Variants in MIER2 observed in about 807,000 individuals in gnomAD.
MIER2 encodes the protein mesoderm induction early response protein 2.
A neutral mutation model predicts 67.6 loss-of-function variants in MIER2; 30 were observed. That is an observed-to-expected ratio of 0.44 (90% CI 0.33 to 0.60). MIER2 has a LOEUF of 0.60. MIER2 is among the 20% of genes least tolerant of loss of function. The probability of loss-of-function intolerance (pLI) is 0.02; values close to 1 mark genes in which losing one functional copy is unlikely to be tolerated. For synonymous variants in MIER2, 372 were observed against 312.6 expected (o/e 1.19, Z -2.00); for missense variants, 702 against 745.1 (o/e 0.94, Z 0.67).
chr19:306,819 C>A (rs115488401), intron 13 of MIER2, 108 bp from the exon 14 acceptor site: 7 of 1,522,302 alleles, frequency 4.6e-6, no homozygotes, highest in East Asian at 4.9e-5. Flanking sequence ...TTGCCTCCCC[C>A]ACAGCCTATG....
At position 336,128 on chromosome 19, in the gene MIER2, C is replaced by A; in HGVS notation, c.55G>T (p.Glu19Ter). ...GGCTCCCCTGGGCACAGGCTGTGCTCGAGGCAGGAGACCACGCGAGGACTC... is the reference window on the plus strand; with the variant it reads ...GGCTCCCCTGGGCACAGGCTGTGCTAGAGGCAGGAGACCACGCGAGGACTC... The part of the protein sequence containing the change: ...RQSPRVVSCL[E>*]HSLCPGEPGL... The change falls in exon 2 of 14, where the codon GAG becomes TAG. Residue 19 changes from glutamate to a stop codon, truncating the protein, a stop_gained. Coordinates refer to ENST00000264819, the MANE Select transcript of MIER2 (RefSeq NM_017550.3). LOFTEE classifies it high-confidence loss of function. The A allele has an allele frequency of 6.2e-7, 1 of 1,613,856 alleles. No individual in the cohort carries two copies. Among genetic ancestry groups the A allele is most frequent in the South Asian group, 1.1e-5 (1 of 91,058 alleles).
intron 9 of MIER2, 83 bp from the exon 10 acceptor site, chr19:312,022 TCAGCGGCGCC>T: frequency 1.8e-6 from 2 of 1,097,940 alleles, no homozygotes; most frequent in South Asian, 2.0e-5. Flanking sequence ...GGGAGAACAG[TCAGCGGCGCC>T]CAGGGCGGGG....
chr19:324,300 A>T (rs371835511), intron 7 of MIER2, among the ~76,000 whole-genome samples: 14 of 130,958 alleles, frequency 1.1e-4, no homozygotes, highest in South Asian at 7.3e-4. Flanking sequence ...GCAATACACA[A>T]GACACACACA....
chr19:334,214 G>A, intron 3 of MIER2, 186 bp downstream of exon 3: 1 of 778,098 alleles, frequency 1.3e-6, no homozygotes, highest in Non-Finnish European at 2.1e-6. Context: ...CCACCGTGCT[G>A]CTCAGAGAGC....
At chr19:320,955 C>A (rs1361009938) in intron 7 of MIER2, among the ~76,000 whole-genome samples, 2 of 152,170 alleles carry the variant, frequency 1.3e-5, no homozygotes, top group African/African-American at 4.8e-5. Flanking sequence ...AGAACGTCGG[C>A]ACTACATTTA....
At chr19:312,485 GGGAGTGA>G (rs1568218736) in intron 8 of MIER2, among the ~76,000 whole-genome samples, 1 of 37,158 alleles carries the variant, frequency 2.7e-5, no homozygotes, top group African/African-American at 1.4e-4. Flanking sequence ...CCTCTATCCA[GGGAGTGA>G]CATCAGGGGC....
intron 1 of MIER2, among the ~76,000 whole-genome samples, chr19:341,688 G>A (rs182407866): frequency 6.6e-6 from 1 of 152,190 alleles, no homozygotes; most frequent in Non-Finnish European, 1.5e-5. Flanking sequence ...TCCCAGGAAA[G>A]ACAAAGTCCT....
At chr19:330,093 T>C (rs561399840) in intron 3 of MIER2, among the ~76,000 whole-genome samples, 2 of 152,166 alleles carry the variant, frequency 1.3e-5, no homozygotes, top group South Asian at 4.1e-4. Flanking sequence ...TGGCCAACTA[T>C]AGCCACTCAG....
chr19:325,988 C>A (rs544885024), intron 6 of MIER2, among the ~76,000 whole-genome samples: 2 of 152,236 alleles, frequency 1.3e-5, no homozygotes, highest in Non-Finnish European at 1.5e-5. Context: ...GCCCAGGCTC[C>A]GGTCCAAAGC....
chr19:321,790 C>T (rs943934633), intron 7 of MIER2, among the ~76,000 whole-genome samples: 5 of 152,130 alleles, frequency 3.3e-5, no homozygotes, highest in Admixed American at 1.3e-4. Flanking sequence ...GAGACAGTGG[C>T]GATGACTCCG....
At chr19:311,199 C>T (rs1299238099) in intron 10 of MIER2, among the ~76,000 whole-genome samples, 2 of 152,208 alleles carry the variant, frequency 1.3e-5, no homozygotes, top group Non-Finnish European at 1.5e-5. Context: ...CCAACCGGGG[C>T]GTGGACAGAG....
chr19:313,700 G>A lies in MIER2; in HGVS notation c.656-57C>T, dbSNP rs969410357. ...AGGAACCCAATCTGCACCCACACAC[G>A]CCAGGACAAGCAAAGCAGCCAACTC... On this transcript the variant is annotated intron_variant, in intron 7 of 13. Coordinates refer to ENST00000264819, the MANE Select transcript of MIER2 (RefSeq NM_017550.3). 2.6e-5 allele frequency: 41 copies of A among 1,569,562 alleles called. No homozygotes were observed. The Admixed American group carries it at 3.5e-4, about 14-fold the overall frequency.
At chr19:321,999 G>A (rs915288089) in intron 7 of MIER2, among the ~76,000 whole-genome samples, 1 of 152,068 alleles carries the variant, frequency 6.6e-6, no homozygotes, top group Non-Finnish European at 1.5e-5. Context: ...CCGCCTCCCG[G>A]GTTCACGCCA....
At chr19:307,018 G>T in intron 13 of MIER2, 101 bp downstream of exon 13, 3 of 1,369,354 alleles carry the variant, frequency 2.2e-6, no homozygotes, top group South Asian at 2.8e-5. Context: ...CTGTCCTCGG[G>T]TCCTTGGGGC....
chr19:319,994 C>G (rs115956107), intron 7 of MIER2, among the ~76,000 whole-genome samples: 1,878 of 152,248 alleles, frequency 0.012, 49 homozygotes, highest in African/African-American at 0.042. Flanking sequence ...GTGCTCACAG[C>G]GAGCATGTAA....
rs374386346 is a variant in MIER2, at chr19:308,536, C to T, written c.1198+41G>A. On this transcript the variant is annotated intron_variant, in intron 12 of 13. Coordinates refer to ENST00000264819, the MANE Select transcript of MIER2 (RefSeq NM_017550.3). The surrounding 1 kb of genome is among the most constrained non-coding windows in gnomAD (Gnocchi z 9.1). ...CGGGCCTCACTCACGGCTCCAGACCCGTGGCCGCCCCCAGGGCAGGAGATA... is the reference window on the plus strand; with the variant it reads ...CGGGCCTCACTCACGGCTCCAGACCTGTGGCCGCCCCCAGGGCAGGAGATA... The T allele has an allele frequency of 5.8e-6, 9 of 1,542,156 alleles. No homozygotes were observed. Among genetic ancestry groups the T allele is most frequent in the South Asian group, 2.4e-5 (2 of 83,904 alleles).
Position 306,592 on chromosome 19 carries a change from C to T in MIER2, c.*98G>A. 6.7e-7 allele frequency: 1 copy of T among 1,497,356 alleles called. No homozygotes were observed. Among genetic ancestry groups the T allele is most frequent in the Non-Finnish European group, 9.1e-7 (1 of 1,100,344 alleles). 92.8% of individuals were successfully genotyped at this position (1,497,356 alleles called of 1,614,324 possible). On this transcript the variant is annotated 3_prime_UTR_variant, in exon 14 of 14. Coordinates refer to ENST00000264819, the MANE Select transcript of MIER2 (RefSeq NM_017550.3). ...AGCAGAAGGAGGTGCTACCCCAAGG[C>T]CCGGGGGGTGGGGAAGGGGTCAGGA...
At position 313,600 on chromosome 19, in the gene MIER2, G is replaced by A; in HGVS notation, c.699C>T (p.Leu233=). The part of the protein sequence containing the change: ...EDQLLWDPSV[L]PEREVEEFLY... ...GGAACTCCTCCACCTCCCTCTCAGG[G>A]AGGACGCTGGGGTCCCAGAGCAGCT... is the stretch of plus-strand genomic sequence containing the variant. Residue 233 remains leucine, a synonymous_variant, in exon 8 of 14, where the codon CTC becomes CTT. Transcript: ENST00000264819. 1 of 1,613,206 alleles carries A rather than the reference G, an allele frequency of 6.2e-7. No individual in the cohort carries two copies. The highest frequency in any genetic ancestry group is 1.3e-5 in the African/African-American group (1 of 75,042).
rs1210591068 is a variant in MIER2, at chr19:308,211, C to T, written c.1198+366G>A. On this transcript the variant is annotated intron_variant, in intron 12 of 13. Transcript: ENST00000264819. The surrounding 1 kb of genome is among the most constrained non-coding windows in gnomAD (Gnocchi z 9.1). ...GCAAGATCCTGGCGACGGCTCCGGA[C>T]ACCCTGTCCTTCCTGAGTGTCCTGG... Among the ~76,000 whole-genome samples the T allele has an allele frequency of 6.6e-6, 1 of 152,204 alleles. No individual in the cohort carries two copies.
Sources: gnomAD v4.1 joint callset for allele counts (sites outside exome capture counted in the v4.1 genomes callset) on GRCh38, gnomAD v4.1.1 for gene constraint, Gnocchi (gnomAD v3.1) non-coding constraint, MANE v1.5 for transcripts, NCBI Gene and HGNC (gene_info 2026-07-23, HGNC 2026-07-21) for gene names.